Variants in XYLB observed in about 807,000 individuals in gnomAD.
XYLB encodes the protein xylulose kinase.
In XYLB, 62 loss-of-function variants were observed where a neutral mutation model predicts 78.7. The ratio of observed to expected loss-of-function variants is 0.79; its 90% confidence interval spans 0.64 to 0.97. The LOEUF (loss-of-function observed/expected upper bound fraction) is 0.97, where lower values mean the gene tolerates loss of function less well. Among genes scored for constraint, XYLB ranks in the 50% least tolerant of loss-of-function variants. The pLI, the probability that XYLB is intolerant of heterozygous loss-of-function variation, is 0.00. For synonymous variants in XYLB, 245 were observed against 247.4 expected, an observed-to-expected ratio of 0.99 and a Z score of 0.09; for missense variants, 687 against 676.8, an observed-to-expected ratio of 1.02 and a Z score of -0.17.
At chr3:38,383,175 G>T (rs1435700355) in intron 15 of XYLB, among the ~76,000 whole-genome samples, 1 of 152,242 alleles carries the variant, frequency 6.6e-6, no homozygotes, top group East Asian at 1.9e-4. Flanking sequence ...TACCGCTGAA[G>T]TAGGTACTGA....
At chr3:38,379,185 A>C in intron 14 of XYLB, 61 bp from the exon 15 acceptor site, 3 of 1,533,292 alleles carry the variant, frequency 2.0e-6, no homozygotes, top group Admixed American at 3.3e-5. Flanking sequence ...AGACACACAC[A>C]TACACACACG....
chr3:38,381,079 T>G (rs1488256448), intron 15 of XYLB, among the ~76,000 whole-genome samples: 1 of 152,248 alleles, frequency 6.6e-6, no homozygotes, highest in Admixed American at 6.5e-5. Flanking sequence ...GAGACCAGAC[T>G]GGGCAACATG....
At chr3:38,385,757 C>T (rs1269799787) in intron 15 of XYLB, among the ~76,000 whole-genome samples, 3 of 152,102 alleles carry the variant, frequency 2.0e-5, no homozygotes, top group Admixed American at 2.0e-4. Context: ...TTGGATCAGC[C>T]TTGTAATCTT....
At chr3:38,433,049 G>A in the XYLB span, among the ~76,000 whole-genome samples, 2 of 152,244 alleles carry the variant, frequency 1.3e-5, no homozygotes, top group Non-Finnish European at 2.9e-5. Context: ...CCGTCCCCCA[G>A]CAAACTTCTG....
intron 15 of XYLB, among the ~76,000 whole-genome samples, chr3:38,381,686 A>G (rs1707153263): frequency 6.6e-6 from 1 of 152,176 alleles, no homozygotes; most frequent in Non-Finnish European, 1.5e-5. Flanking sequence ...TGCAGAGATG[A>G]AATAAACTCC....
At chr3:38,355,676 A>G (rs1393992423) in intron 2 of XYLB, 3 of 702,020 alleles carry the variant, frequency 4.3e-6, no homozygotes, top group Non-Finnish European at 7.8e-6. Flanking sequence ...GGCCTCTAAA[A>G]GACCTAGTCC....
the XYLB span, among the ~76,000 whole-genome samples, chr3:38,428,260 G>T: frequency 6.6e-6 from 1 of 152,058 alleles, no homozygotes; most frequent in Non-Finnish European, 1.5e-5. Flanking sequence ...TAATTTTGGG[G>T]AATGTTATGT....
intron 4 of XYLB, among the ~76,000 whole-genome samples, chr3:38,363,540 G>A (rs1706089021): frequency 6.6e-6 from 1 of 152,124 alleles, no homozygotes; most frequent in African/African-American, 2.4e-5. Flanking sequence ...GCTGTGGAGT[G>A]CTTGGTACAC....
chr3:38,442,067 G>C, the XYLB span, among the ~76,000 whole-genome samples: 3 of 152,222 alleles, frequency 2.0e-5, no homozygotes, highest in South Asian at 6.2e-4. Context: ...TCTATCTGGG[G>C]ATCCATAGTC....
intron 18 of XYLB, among the ~76,000 whole-genome samples, chr3:38,407,919 C>A (rs1488677314): frequency 6.6e-6 from 1 of 151,684 alleles, no homozygotes; most frequent in Non-Finnish European, 1.5e-5. Flanking sequence ...ACTTAGACTC[C>A]CACACAATAA....
chr3:38,411,384 G>GT (rs1031959478), intron 18 of XYLB, among the ~76,000 whole-genome samples: 29 of 151,940 alleles, frequency 1.9e-4, no homozygotes, highest in African/African-American at 5.8e-4. Context: ...CTGTTGTGGG[G>GT]TGGGGGGAGA....
chr3:38,399,793 G>T (rs1384837558), intron 17 of XYLB, among the ~76,000 whole-genome samples: 1 of 152,102 alleles, frequency 6.6e-6, no homozygotes, highest in East Asian at 1.9e-4. Flanking sequence ...ACCAAAGCCC[G>T]AGCCAAATCT....
chr3:38,402,023 C>T (rs1390477802), intron 18 of XYLB, among the ~76,000 whole-genome samples: 5 of 152,040 alleles, frequency 3.3e-5, no homozygotes, highest in African/African-American at 1.2e-4. Context: ...TTATGATGAA[C>T]CATGATGAAC....
chr3:38,442,398 G>A, the XYLB span, among the ~76,000 whole-genome samples: 18 of 152,308 alleles, frequency 1.2e-4, no homozygotes, highest in Admixed American at 9.8e-4. Flanking sequence ...TTGGGCCAGT[G>A]CCTGACCAAA....
At chr3:38,419,827 T>C (rs1372299737), downstream of XYLB, among the ~76,000 whole-genome samples, 2 of 151,700 alleles carry the variant, frequency 1.3e-5, no homozygotes, top group African/African-American at 2.4e-5. Flanking sequence ...CATATAAAAA[T>C]CATTTTTTTT....
chr3:38,390,943 G>C (rs1707624806), intron 15 of XYLB, among the ~76,000 whole-genome samples: 1 of 152,160 alleles, frequency 6.6e-6, no homozygotes, highest in African/African-American at 2.4e-5. Context: ...ACATCAGCCA[G>C]GCACAGTCAC....
At chr3:38,438,463 A>G in the XYLB span, among the ~76,000 whole-genome samples, 1 of 152,244 alleles carries the variant, frequency 6.6e-6, no homozygotes, top group African/African-American at 2.4e-5. Flanking sequence ...CATAATATCT[A>G]TCAAAATACT....
intron 15 of XYLB, among the ~76,000 whole-genome samples, chr3:38,383,544 T>G (rs543519763): frequency 6.6e-6 from 1 of 152,016 alleles, no homozygotes; most frequent in Admixed American, 6.6e-5. Flanking sequence ...CTTTGGGAGG[T>G]GGAGGCGGGA....
chr3:38,375,687 A>G (rs1008362538), intron 12 of XYLB, among the ~76,000 whole-genome samples: 3 of 152,190 alleles, frequency 2.0e-5, no homozygotes, highest in Non-Finnish European at 1.5e-5. Flanking sequence ...TGGAAGGGAC[A>G]TGCTCTGTGC....
Sources: gnomAD v4.1 joint callset for allele counts (sites outside exome capture counted in the v4.1 genomes callset) on GRCh38, gnomAD v4.1.1 for gene constraint, MANE v1.5 for transcripts, NCBI Gene and HGNC (gene_info 2026-07-23, HGNC 2026-07-21) for gene names.